The following PRAMEF20 variants were observed in gnomAD, a reference collection of about 807,000 sequenced individuals.
PRAMEF20 encodes PRAME family member 20/21.
PRAMEF20 carries 27 observed loss-of-function variants against 32.4 expected under a neutral mutation model. The observed-to-expected ratio is 0.83, with a 90% CI of 0.61 to 1.15. The LOEUF (loss-of-function observed/expected upper bound fraction) is 1.15, where lower values mean the gene tolerates loss of function less well. PRAMEF20 is among the 50% of genes most tolerant of loss of function. The probability of loss-of-function intolerance (pLI) is 0.00; values close to 1 mark genes in which losing one functional copy is unlikely to be tolerated. For synonymous variants in PRAMEF20, 256 were observed against 235.4 expected, an observed-to-expected ratio of 1.09 and a Z score of -0.80; for missense variants, 604 against 584.5, an observed-to-expected ratio of 1.03 and a Z score of -0.34.
intron 1 of PRAMEF20, among the ~76,000 whole-genome samples, chr1:13,417,913 TGTGTGTG>T (rs1641198373): frequency 1.4e-5 from 1 of 73,774 alleles, no homozygotes; most frequent in African/African-American, 5.3e-5. Context: ...GGCTAATTTG[TGTGTGTG>T]TGTGTGTGTG....
upstream of PRAMEF20, chr1:13,416,246 C>T: frequency 6.3e-7 from 1 of 1,587,704 alleles, no homozygotes; most frequent in Non-Finnish European, 8.6e-7. Context: ...TCACCATTGC[C>T]AGAGCAATGA....
upstream of PRAMEF20, among the ~76,000 whole-genome samples, chr1:13,415,801 A>AAGGGAGGG (rs1265811170): frequency 1.5e-5 from 2 of 137,554 alleles, no homozygotes; most frequent in Admixed American, 7.2e-5. Context: ...AAAAAGAACA[A>AAGGGAGGG]AGGGAGGGAG....
At chr1:13,411,341 C>T in the PRAMEF20 span, among the ~76,000 whole-genome samples, 3 of 151,886 alleles carry the variant, frequency 2.0e-5, no homozygotes, top group African/African-American at 7.3e-5. Context: ...CCCTCCCCCC[C>T]ACCGCCAAAA....
chr1:13,411,277 C>T, the PRAMEF20 span, among the ~76,000 whole-genome samples: 1 of 152,148 alleles, frequency 6.6e-6, no homozygotes, highest in Non-Finnish European at 1.5e-5. Flanking sequence ...TGCAATGAGC[C>T]GTGCTCACAC....
Position 13,418,575 on chromosome 1 carries a change from T to A in PRAMEF20, c.741T>A (p.Ile247=), listed in dbSNP as rs1401531102. Residue 247 remains isoleucine (I), a synonymous_variant, in exon 2 of 3, where the codon ATT becomes ATA. Coordinates refer to ENST00000602960, the Ensembl canonical transcript of PRAMEF20. ...TCTCTGACATAGATTCTCGCTACAT[T>A]TCCCCAGAGCAGAAGAAGGAGTTTG... The A allele has an allele frequency of 1.9e-6, 3 of 1,613,902 alleles. No individual in the cohort carries two copies. In the East Asian group the frequency reaches 6.7e-5, roughly 36 times the overall value.
the PRAMEF20 span, among the ~76,000 whole-genome samples, chr1:13,411,069 G>T: frequency 2.6e-5 from 4 of 152,200 alleles, no homozygotes; most frequent in Admixed American, 2.6e-4. Flanking sequence ...TGTTGGCCAG[G>T]CTGGTCTCGA....
In PRAMEF20 at chr1:13,416,518, T is replaced by C. The variant is rs758673963; in HGVS notation, c.164T>C (p.Met55Thr). The change falls in exon 1 of 3, where the codon ATG becomes ACG. Residue 55 changes from methionine to threonine, a missense_variant. Transcript: ENST00000602960. ...AGACACTGTGAGGCCCTGAAGCTGA[T>C]GGTGCAGGCCTGGCCTTTCCTCCGC... is the stretch of plus-strand genomic sequence containing the variant. The C allele has an allele frequency of 1.1e-5, 17 of 1,614,072 alleles. No individual in the cohort carries two copies. The South Asian group carries it at 1.3e-4, about 13-fold the overall frequency.
chr1:13,416,637 C>T (rs768627566), exon 1 of PRAMEF20: 3 of 1,614,002 alleles, frequency 1.9e-6, no homozygotes, highest in Non-Finnish European at 8.5e-7. Context: ...CAGGGTTCGT[C>T]TCAGGTGAGG....
At chr1:13,416,534 T>C in exon 1 of PRAMEF20, 2 of 1,614,132 alleles carry the variant, frequency 1.2e-6, no homozygotes, top group Non-Finnish European at 1.7e-6. Context: ...AGGCCTGGCC[T>C]TTCCTCCGCC....
exon 3 of PRAMEF20, chr1:13,420,969 C>A (rs1007127222): frequency 1.2e-6 from 2 of 1,613,746 alleles, no homozygotes; most frequent in Non-Finnish European, 1.7e-6. Flanking sequence ...TTTGAGCTCA[C>A]CACCTTCAGC....
At chr1:13,420,914 G>C in exon 3 of PRAMEF20, 2 of 1,613,756 alleles carry the variant, frequency 1.2e-6, no homozygotes, top group Non-Finnish European at 1.7e-6. Context: ...CTGTGGCATC[G>C]TAGACTCCCA....
At chr1:13,414,429 A>G (rs1641143507), upstream of PRAMEF20, among the ~76,000 whole-genome samples, 1 of 151,660 alleles carries the variant, frequency 6.6e-6, no homozygotes, top group African/African-American at 2.4e-5. Context: ...ACTTTGGGGT[A>G]TTGTGATTTT....
At chr1:13,413,452 C>T (rs1641133028), upstream of PRAMEF20, among the ~76,000 whole-genome samples, 2 of 151,960 alleles carry the variant, frequency 1.3e-5, no homozygotes, top group Admixed American at 1.3e-4. Context: ...GCAACCTCCA[C>T]CTCCTGGGTT....
At chr1:13,411,430 A>G (rs1641113171), upstream of PRAMEF20, among the ~76,000 whole-genome samples, 1 of 152,120 alleles carries the variant, frequency 6.6e-6, no homozygotes, top group East Asian at 1.9e-4. Flanking sequence ...CCCCTTCAAA[A>G]AAGGAGAGAA....
At chr1:13,421,293 T>C (rs1375946856) in exon 3 of PRAMEF20, 2 of 1,613,642 alleles carry the variant, frequency 1.2e-6, no homozygotes, top group East Asian at 4.5e-5. Flanking sequence ...ATCAAACTCT[T>C]TTTTCTGAAC....
At chr1:13,418,801 G>C (rs1027510546) in intron 2 of PRAMEF20, 101 bp downstream of exon 3, 3 of 1,581,804 alleles carry the variant, frequency 1.9e-6, no homozygotes, top group Admixed American at 1.7e-5. Context: ...TAACAGTAAA[G>C]GGGACACTAG....
intron 2 of PRAMEF20, among the ~76,000 whole-genome samples, chr1:13,420,274 G>A (rs994291361): frequency 3.3e-5 from 5 of 152,090 alleles, no homozygotes; most frequent in African/African-American, 7.2e-5. Flanking sequence ...GCAGTGGCAC[G>A]ATCTCTGCTC....
chr1:13,418,889 A>G (rs1432169138), intron 2 of PRAMEF20, among the ~76,000 whole-genome samples, 189 bp downstream of exon 3: 3 of 152,236 alleles, frequency 2.0e-5, no homozygotes, highest in East Asian at 1.9e-4. Flanking sequence ...GCTGGGGTAG[A>G]TGCTATAGAG....
chr1:13,416,558 T>G (rs1242892066), exon 1 of PRAMEF20: 2 of 1,614,138 alleles, frequency 1.2e-6, no homozygotes, highest in African/African-American at 2.7e-5. Flanking sequence ...CTCTGGGGTC[T>G]CTGATGAAAA....
Sources: allele counts gnomAD v4.1 joint callset (sites outside exome capture counted in the v4.1 genomes callset), GRCh38; gene constraint gnomAD v4.1.1; transcripts MANE v1.5; gene names NCBI Gene and HGNC (gene_info 2026-07-23, HGNC 2026-07-21).